The following UNC13C variants were observed in gnomAD, a reference collection of about 807,000 sequenced individuals.
The protein encoded by UNC13C is unc-13 homolog C.
Under a neutral mutation model 245.4 loss-of-function variants are expected in UNC13C, and 174 were observed. That is an observed-to-expected ratio of 0.71 (90% confidence interval 0.63 to 0.80). The LOEUF (loss-of-function observed/expected upper bound fraction) is 0.80, where lower values mean the gene tolerates loss of function less well. UNC13C is among the 30% of genes least tolerant of loss of function. The pLI, the probability that UNC13C is intolerant of heterozygous loss-of-function variation, is 0.00. For synonymous variants in UNC13C, 992 were observed against 895.1 expected (o/e 1.11, Z -1.93); for missense variants, 2,829 against 2,602.9 (o/e 1.09, Z -1.89).
intron 4 of UNC13C, among the ~76,000 whole-genome samples, chr15:54,218,440 C>T (rs1348291735): frequency 6.6e-6 from 1 of 151,882 alleles, no homozygotes; most frequent in African/African-American, 2.4e-5. Context: ...TTAGCATTTG[C>T]TACTCAGTGA....
chr15:53,908,527 C>G, the UNC13C span, among the ~76,000 whole-genome samples: 4 of 144,622 alleles, frequency 2.8e-5, no homozygotes, highest in African/African-American at 9.8e-5. Context: ...TTACTTAAGC[C>G]CAGAAGTTCT....
At chr15:54,342,783 T>C (rs929149901) in intron 17 of UNC13C, among the ~76,000 whole-genome samples, 4 of 149,294 alleles carry the variant, frequency 2.7e-5, no homozygotes, top group South Asian at 2.2e-4. Context: ...TTTTTGTTTT[T>C]GTTTTTGTTT....
At chr15:54,209,657 G>A (rs1020568053) in intron 4 of UNC13C, among the ~76,000 whole-genome samples, 7 of 151,964 alleles carry the variant, frequency 4.6e-5, no homozygotes, top group African/African-American at 1.7e-4. Context: ...CAAACAGTCG[G>A]CCCACCCTGG....
rs80068178 is a variant in UNC13C at position 54,245,358 on chromosome 15, G to A, written c.3229-4867G>A. Among the ~76,000 whole-genome samples, 1,043 of 152,088 alleles carry A rather than the reference G, an allele frequency of 6.9e-3. 6 individuals are homozygous for A. The highest frequency in any genetic ancestry group is 0.013 in the Admixed American group (193 of 15,272). On this transcript the variant is annotated intron_variant, in intron 7 of 32. Transcript: ENST00000260323. ...AAGGAATCATCTACGTTATTGTTCTGCCCTCTTTATTTGGACTCACCCCAT... is the reference window on the plus strand; with the variant it reads ...AAGGAATCATCTACGTTATTGTTCTACCCTCTTTATTTGGACTCACCCCAT...
At chr15:54,302,552 T>G (rs2037614161) in intron 13 of UNC13C, among the ~76,000 whole-genome samples, 1 of 152,216 alleles carries the variant, frequency 6.6e-6, no homozygotes, top group Non-Finnish European at 1.5e-5. Context: ...TAGGAAACCC[T>G]TTCCCCATTG....
At chr15:54,098,872 C>A (rs1406492697) in intron 2 of UNC13C, among the ~76,000 whole-genome samples, 3 of 152,146 alleles carry the variant, frequency 2.0e-5, no homozygotes, top group Admixed American at 1.3e-4. Context: ...CATTTTCATT[C>A]CCTAATATAC....
At chr15:53,871,667 G>C in the UNC13C span, among the ~76,000 whole-genome samples, 2 of 152,164 alleles carry the variant, frequency 1.3e-5, no homozygotes, top group Non-Finnish European at 1.5e-5. Flanking sequence ...AAATTTCCAG[G>C]AGACTCCCTA....
At chr15:54,038,124 A>ATATATAAATTTTTTTT in intron 2 of UNC13C, among the ~76,000 whole-genome samples, 1 of 45,040 alleles carries the variant, frequency 2.2e-5, no homozygotes, top group African/African-American at 1.1e-4. Flanking sequence ...ATATATATAT[A>ATATATAAATTTTTTTT]TTTTTTTTTT....
chr15:54,553,399 AT>A (rs1276905895), intron 28 of UNC13C, among the ~76,000 whole-genome samples: 1 of 128,446 alleles, frequency 7.8e-6, no homozygotes, highest in African/African-American at 2.9e-5. Flanking sequence ...AGTATATTAT[AT>A]TATATATTGT....
In UNC13C at chr15:54,597,603, T is replaced by C. The variant is rs973415897; in HGVS notation, c.6107-24724T>C. Among the ~76,000 whole-genome samples the C allele has an allele frequency of 2.0e-5, 3 of 152,156 alleles. No homozygotes were observed. The East Asian group carries it at 5.8e-4, about 29-fold the overall frequency. On this transcript the variant is annotated intron_variant, in intron 30 of 32. Coordinates refer to ENST00000260323, the MANE Select transcript of UNC13C (RefSeq NM_001080534.3). The stretch of plus-strand genomic sequence containing the variant: ...AAGAGAGTACCCGCTGTGTAAAACA[T>C]AATAATTACATAAGAATTAAATTTT...
At chr15:54,579,037 T>G (rs1479934239) in intron 30 of UNC13C, among the ~76,000 whole-genome samples, 1 of 151,986 alleles carries the variant, frequency 6.6e-6, no homozygotes, top group African/African-American at 2.4e-5. Context: ...CCAGTAAAAA[T>G]CCAGGTGAGA....
chr15:53,860,643 G>A, the UNC13C span, among the ~76,000 whole-genome samples: 1 of 152,156 alleles, frequency 6.6e-6, no homozygotes, highest in Admixed American at 6.6e-5. Context: ...GCCTCTCCAA[G>A]TTAAACATTC....
intron 30 of UNC13C, among the ~76,000 whole-genome samples, chr15:54,601,302 G>A (rs1307374344): frequency 2.6e-5 from 4 of 152,172 alleles, no homozygotes; most frequent in Admixed American, 2.6e-4. Context: ...TAATGTCAAT[G>A]AGAAGATAAT....
At chr15:54,073,708 T>C (rs1898447051) in intron 2 of UNC13C, among the ~76,000 whole-genome samples, 1 of 152,062 alleles carries the variant, frequency 6.6e-6, no homozygotes, top group Non-Finnish European at 1.5e-5. Flanking sequence ...CCACATCCTT[T>C]GCCTACTTTT....
intron 4 of UNC13C, among the ~76,000 whole-genome samples, chr15:54,194,751 G>A (rs1384740191): frequency 6.6e-6 from 1 of 152,076 alleles, no homozygotes; most frequent in African/African-American, 2.4e-5. Context: ...CATTATCTGA[G>A]CCACAGATCA....
At chr15:54,584,690 G>T (rs983809551) in intron 30 of UNC13C, among the ~76,000 whole-genome samples, 1 of 152,218 alleles carries the variant, frequency 6.6e-6, no homozygotes, top group East Asian at 1.9e-4. Flanking sequence ...GGCATTCTTC[G>T]TATTCACTAA....
At chr15:54,049,116 A>G in intron 2 of UNC13C, 1 of 369,330 alleles carries the variant, frequency 2.7e-6, no homozygotes, top group South Asian at 2.5e-5. Flanking sequence ...ATCCAGAGCA[A>G]TTTTCAAGAT....
At chr15:54,453,398 T>G (rs1891292759) in intron 19 of UNC13C, among the ~76,000 whole-genome samples, 1 of 152,216 alleles carries the variant, frequency 6.6e-6, no homozygotes, top group Admixed American at 6.5e-5. Context: ...ATTGAAAGCA[T>G]GACTACCAAC....
intron 4 of UNC13C, among the ~76,000 whole-genome samples, chr15:54,166,216 C>G (rs904699793): frequency 6.6e-6 from 1 of 151,982 alleles, no homozygotes; most frequent in Non-Finnish European, 1.5e-5. Flanking sequence ...GCTTACAAAA[C>G]TATTCCCAAC....
Sources: gnomAD v4.1 joint callset for allele counts (sites outside exome capture counted in the v4.1 genomes callset) on GRCh38, gnomAD v4.1.1 for gene constraint, MANE v1.5 for transcripts, NCBI Gene and HGNC (gene_info 2026-07-23, HGNC 2026-07-21) for gene names.